Variants in RBFOX1 observed in about 807,000 individuals in gnomAD.
RBFOX1 encodes the protein RNA binding protein fox-1 homolog 1.
A neutral mutation model predicts 57.7 loss-of-function variants in RBFOX1; 8 were observed. That is an observed-to-expected ratio of 0.14 (90% CI 0.08 to 0.25). The LOEUF is 0.25. Ranked by LOEUF, RBFOX1 falls within the 10% of genes least tolerant of loss-of-function variation. The pLI, the probability that RBFOX1 is intolerant of heterozygous loss-of-function variation, is 1.00. For synonymous variants in RBFOX1, 326 were observed against 222.4 expected (o/e 1.47, Z -4.15); for missense variants, 611 against 548.5 (o/e 1.11, Z -1.14).
At chr16:7,045,241 G>T (rs1025542387) in intron 3 of RBFOX1, among the ~76,000 whole-genome samples, 2 of 152,084 alleles carry the variant, frequency 1.3e-5, no homozygotes, top group African/African-American at 2.4e-5. Flanking sequence ...GTGGCAACCA[G>T]TTTACTAATA....
At chr16:6,980,397 G>A (rs1490037915) in intron 3 of RBFOX1, among the ~76,000 whole-genome samples, 1 of 152,022 alleles carries the variant, frequency 6.6e-6, no homozygotes, top group East Asian at 1.9e-4. Flanking sequence ...TTTCCTTCAT[G>A]AGAGTTTACT....
chr16:5,462,568 A>C (rs1167047591), intron 1 of RBFOX1, among the ~76,000 whole-genome samples: 1 of 152,150 alleles, frequency 6.6e-6, no homozygotes, highest in Admixed American at 6.6e-5. Context: ...GTGGCCCTTT[A>C]CTTTGTACAT....
chr16:7,546,498 GATAA>G (rs1421410754), intron 5 of RBFOX1, among the ~76,000 whole-genome samples: 28 of 152,114 alleles, frequency 1.8e-4, no homozygotes, highest in African/African-American at 6.8e-4. Context: ...AGTATATCCA[GATAA>G]ATAATAATAA....
intron 4 of RBFOX1, among the ~76,000 whole-genome samples, chr16:7,166,305 C>T (rs540041443): frequency 6.8e-4 from 103 of 152,214 alleles, no homozygotes; most frequent in African/African-American, 2.0e-3. Context: ...TGAACCACCG[C>T]ACCCGGCCGG....
intron 2 of RBFOX1, among the ~76,000 whole-genome samples, chr16:6,533,774 C>T (rs1287524595): frequency 2.0e-5 from 3 of 152,080 alleles, no homozygotes; most frequent in Non-Finnish European, 4.4e-5. Flanking sequence ...ACTCGAAAGC[C>T]CCTGGAAGGG....
rs2052089881 is a variant in RBFOX1 at position 5,725,063 on chromosome 16, A to T, written c.318+126102A>T. On this transcript the variant is annotated intron_variant, in intron 3 of 19. Transcript: ENST00000641259. ...CCTTTCCCTTGGGAGATGCCAGTGG[A>T]TAATGAGGGTGTGTCTGTAGAGATC... is the stretch of plus-strand genomic sequence containing the variant. Among the ~76,000 whole-genome samples the T allele has an allele frequency of 2.0e-5, 3 of 152,086 alleles. No individual in the cohort carries two copies. In the South Asian group the frequency reaches 6.2e-4, roughly 31 times the overall value.
intron 3 of RBFOX1, among the ~76,000 whole-genome samples, chr16:6,890,536 C>G (rs766837228): frequency 6.6e-6 from 1 of 151,732 alleles, no homozygotes; most frequent in East Asian, 1.9e-4. Context: ...ACAAACAAAA[C>G]CAAACCCAAA....
At chr16:5,967,530 C>T (rs982411500) in intron 4 of RBFOX1, among the ~76,000 whole-genome samples, 1 of 152,126 alleles carries the variant, frequency 6.6e-6, no homozygotes, top group African/African-American at 2.4e-5. Context: ...CTGAGTTATT[C>T]ATCGTTTCTA....
In RBFOX1 at chr16:6,071,622, A is replaced by G. The variant is rs1426801004; in HGVS notation, c.-127+51630A>G. 3.3e-5 allele frequency among the ~76,000 whole-genome samples: 5 copies of G among 152,352 alleles called. No homozygotes were observed. In the South Asian group the frequency reaches 8.3e-4, roughly 25 times the overall value. ...AAATTGATAAACTTAAAAATCGATT[A>G]ACACATTTTAAGGGCATAATATGAT... On this transcript the variant is annotated intron_variant, in intron 1 of 15. Transcript: ENST00000550418.
chr16:5,933,364 G>C (rs978653570), intron 4 of RBFOX1, among the ~76,000 whole-genome samples: 5 of 152,172 alleles, frequency 3.3e-5, no homozygotes, highest in African/African-American at 1.2e-4. Flanking sequence ...AGGGCAGTGG[G>C]GGAGTGTTCG....
At chr16:5,430,989 C>T (rs911237439) in intron 1 of RBFOX1, among the ~76,000 whole-genome samples, 1 of 152,208 alleles carries the variant, frequency 6.6e-6, no homozygotes, top group African/African-American at 2.4e-5. Flanking sequence ...CCCCCATCTA[C>T]TGCTAATGGA....
At chr16:7,112,839 C>G (rs747695335) in intron 4 of RBFOX1, among the ~76,000 whole-genome samples, 4 of 151,974 alleles carry the variant, frequency 2.6e-5, no homozygotes, top group South Asian at 2.1e-4. Flanking sequence ...ATTTGGGTAA[C>G]AGGAATATTA....
In RBFOX1 at chr16:7,595,530, T is replaced by C; in HGVS notation, c.469-19T>C. On this transcript the variant is annotated intron_variant, in intron 7 of 15. Coordinates refer to ENST00000550418, the MANE Select transcript of RBFOX1 (RefSeq NM_018723.4). ...ATAATAATCTGCATGTTGTTTTCCC[T>C]TCTCCCTCCTGCATGCAGGGATTTG... 1 of 1,533,078 alleles carries C rather than the reference T, an allele frequency of 6.5e-7. No individual in the cohort carries two copies. Among genetic ancestry groups the C allele is most frequent in the Non-Finnish European group, 8.8e-7 (1 of 1,131,266 alleles). 95.0% of individuals were successfully genotyped at this position (1,533,078 alleles called of 1,614,324 possible).
chr16:7,336,051 A>C (rs2096781155), intron 4 of RBFOX1, among the ~76,000 whole-genome samples: 1 of 152,216 alleles, frequency 6.6e-6, no homozygotes, highest in Admixed American at 6.5e-5. Context: ...TCTTTGGATA[A>C]GAAGAACCAA....
At chr16:7,003,194 C>T (rs568551950) in intron 3 of RBFOX1, among the ~76,000 whole-genome samples, 61 of 152,166 alleles carry the variant, frequency 4.0e-4, no homozygotes, top group Admixed American at 2.4e-3. Flanking sequence ...GGCACGGTGG[C>T]TCACGCCTGT....
chr16:7,129,970 A>G (rs1052785652), intron 4 of RBFOX1, among the ~76,000 whole-genome samples: 1 of 151,868 alleles, frequency 6.6e-6, no homozygotes, highest in Non-Finnish European at 1.5e-5. Flanking sequence ...GCAATACCAA[A>G]TAGGATATAT....
At chr16:5,950,653 G>A (rs982568078) in intron 4 of RBFOX1, among the ~76,000 whole-genome samples, 2 of 152,120 alleles carry the variant, frequency 1.3e-5, no homozygotes, top group Non-Finnish European at 2.9e-5. Context: ...TTATTATTTT[G>A]CACTTACCTG....
At chr16:6,781,402 A>G (rs913374621) in intron 3 of RBFOX1, among the ~76,000 whole-genome samples, 1 of 151,858 alleles carries the variant, frequency 6.6e-6, no homozygotes, top group Non-Finnish European at 1.5e-5. Context: ...TTCGTTGTGT[A>G]TTTGTCTAGT....
chr16:6,832,052 A>G (rs780195540), intron 3 of RBFOX1, among the ~76,000 whole-genome samples: 28 of 152,404 alleles, frequency 1.8e-4, no homozygotes, highest in Non-Finnish European at 3.5e-4. Flanking sequence ...ACTTAAGAAT[A>G]TAATTGCATA....
Sources: allele counts gnomAD v4.1 joint callset (sites outside exome capture counted in the v4.1 genomes callset), GRCh38; gene constraint gnomAD v4.1.1; transcripts MANE v1.5; gene names NCBI Gene and HGNC (gene_info 2026-07-23, HGNC 2026-07-21).